Variants in WWC1 observed in about 807,000 individuals in gnomAD.
The protein encoded by WWC1 is protein KIBRA.
In WWC1, 55 loss-of-function variants were observed where a neutral mutation model predicts 138.4. The observed-to-expected ratio is 0.40, with a 90% CI of 0.32 to 0.50. The LOEUF is 0.50. Among genes scored for constraint, WWC1 ranks in the 20% least tolerant of loss-of-function variants. WWC1 has a pLI of 0.72. For synonymous variants in WWC1, 524 were observed against 564.9 expected (o/e 0.93, Z 1.03); for missense variants, 1,226 against 1,420.4 (o/e 0.86, Z 2.20).
intron 20 of WWC1, among the ~76,000 whole-genome samples, chr5:168,462,849 C>G (rs921489471): frequency 6.6e-6 from 1 of 152,232 alleles, no homozygotes; most frequent in Non-Finnish European, 1.5e-5. Flanking sequence ...TGAGACTGGA[C>G]AGACGAAGCA....
intron 19 of WWC1, among the ~76,000 whole-genome samples, chr5:168,458,619 A>G (rs1031492410): frequency 2.6e-5 from 4 of 152,090 alleles, no homozygotes; most frequent in African/African-American, 7.2e-5. Flanking sequence ...GGGTTGATTG[A>G]CTTTGACCAA....
intron 1 of WWC1, among the ~76,000 whole-genome samples, chr5:168,336,897 A>G (rs1374626650): frequency 6.6e-6 from 1 of 152,128 alleles, no homozygotes; most frequent in Non-Finnish European, 1.5e-5. Flanking sequence ...CATGTGGAGA[A>G]AGTGGTGACG....
At chr5:168,398,105 T>G (rs373505491) in intron 4 of WWC1, among the ~76,000 whole-genome samples, 1 of 146,068 alleles carries the variant, frequency 6.8e-6, no homozygotes, top group Non-Finnish European at 1.5e-5. Flanking sequence ...ATTTATTTAT[T>G]TTTATTTTTA....
At chr5:168,461,993 T>C (rs1325621464) in intron 20 of WWC1, among the ~76,000 whole-genome samples, 1 of 150,950 alleles carries the variant, frequency 6.6e-6, no homozygotes, top group Non-Finnish European at 1.5e-5. Context: ...GAGGCGGAGG[T>C]TGCAGTGAGC....
chr5:168,362,008 G>A (rs1476023223), intron 1 of WWC1, among the ~76,000 whole-genome samples: 3 of 152,106 alleles, frequency 2.0e-5, no homozygotes, highest in African/African-American at 4.8e-5. Context: ...GCTTGAACCC[G>A]GGAGGCAGAG....
chr5:168,357,514 G>C (rs557878294), intron 1 of WWC1, among the ~76,000 whole-genome samples: 1 of 151,060 alleles, frequency 6.6e-6, no homozygotes, highest in Non-Finnish European at 1.5e-5. Context: ...ACGCATGCAC[G>C]TGCGTGCATG....
intron 17 of WWC1, among the ~76,000 whole-genome samples, chr5:168,452,951 G>A (rs889664588): frequency 3.9e-5 from 6 of 152,306 alleles, no homozygotes; most frequent in East Asian, 3.9e-4. Context: ...CTGTCTGGGC[G>A]CGGTGGCTCA....
At chr5:168,464,565 G>A (rs1005287061) in intron 20 of WWC1, 164 bp from the exon 21 acceptor site, 1 of 1,176,866 alleles carries the variant, frequency 8.5e-7, no homozygotes, top group Non-Finnish European at 1.2e-6. Context: ...CAATAAACAT[G>A]AGCTGAGTGG....
chr5:168,417,217 T>A (rs1780728000), intron 9 of WWC1, among the ~76,000 whole-genome samples: 1 of 152,234 alleles, frequency 6.6e-6, no homozygotes, highest in Admixed American at 6.5e-5. Flanking sequence ...TACATCATTT[T>A]GCTTAAAGTT....
At chr5:168,306,000 G>A (rs1368574710) in intron 1 of WWC1, among the ~76,000 whole-genome samples, 1 of 152,186 alleles carries the variant, frequency 6.6e-6, no homozygotes, top group Non-Finnish European at 1.5e-5. Flanking sequence ...AAGTGCCATA[G>A]GAATATGAGA....
chr5:168,412,760 A>G (rs966875950), intron 8 of WWC1, among the ~76,000 whole-genome samples: 1 of 147,860 alleles, frequency 6.8e-6, no homozygotes, highest in Non-Finnish European at 1.5e-5. Flanking sequence ...TTTTAAATAT[A>G]GTATAACAAC....
chr5:168,462,609 T>C lies in WWC1; in HGVS notation c.2916+1867T>C, dbSNP rs1756914945. ...TTGCTCCCCCTGCGTTTCCCACAGCTCCCTTCTAAGGCAGGCCCTACAGGA... is the reference window on the plus strand; with the variant it reads ...TTGCTCCCCCTGCGTTTCCCACAGCCCCCTTCTAAGGCAGGCCCTACAGGA... On this transcript the variant is annotated intron_variant, in intron 20 of 22. Transcript: ENST00000265293. 1.3e-5 allele frequency among the ~76,000 whole-genome samples: 2 copies of C among 152,110 alleles called. 1 individual carries two copies. The highest frequency in any genetic ancestry group is 4.1e-4 in the South Asian group (2 of 4,824).
chr5:168,401,693 TTCTG>T (rs1456700835), intron 5 of WWC1, among the ~76,000 whole-genome samples: 1 of 152,246 alleles, frequency 6.6e-6, no homozygotes, highest in Non-Finnish European at 1.5e-5. Flanking sequence ...AATTATGGCT[TTCTG>T]TATGTTTACA....
intron 16 of WWC1, among the ~76,000 whole-genome samples, chr5:168,443,352 T>C (rs1754966305): frequency 6.6e-6 from 1 of 152,078 alleles, no homozygotes; most frequent in Non-Finnish European, 1.5e-5. Flanking sequence ...TCATCATCAT[T>C]TTCTGTACTT....
chr5:168,352,367 T>TGA (rs1775035311), intron 1 of WWC1, among the ~76,000 whole-genome samples: 1 of 152,178 alleles, frequency 6.6e-6, no homozygotes, highest in South Asian at 2.1e-4. Context: ...TATCATTCAT[T>TGA]GAGCTCTGCA....
At chr5:168,414,682 GC>G in intron 9 of WWC1, 92 bp downstream of exon 9, 1 of 1,434,874 alleles carries the variant, frequency 7.0e-7, no homozygotes, top group East Asian at 2.5e-5. Flanking sequence ...GGGGCTCCGG[GC>G]CCCTGGGCTC....
intron 9 of WWC1, among the ~76,000 whole-genome samples, chr5:168,421,476 T>C (rs979003349): frequency 6.6e-6 from 1 of 152,204 alleles, no homozygotes; most frequent in Non-Finnish European, 1.5e-5. Context: ...GAGTATTTCT[T>C]TAATATCGGT....
Position 168,469,270 on chromosome 5 carries a change from G to C in WWC1, c.*253G>C. On this transcript the variant is annotated 3_prime_UTR_variant, in exon 23 of 23. Transcript: ENST00000265293. ...TTAAAATAATAAGATTGTATAGTTT[G>C]TATATTTAGGAGTGTATTTTTGGGA... The C allele has an allele frequency of 2.0e-6, 1 of 498,514 alleles. No homozygotes were observed. Among genetic ancestry groups the C allele is most frequent in the East Asian group, 3.2e-5 (1 of 31,020 alleles). The allele number at this position is 498,514 out of a possible 1,614,324, so 30.9% of individuals were successfully genotyped here. A position where few individuals can be genotyped will look rare whatever the true frequency, so the allele number is the denominator to read the frequency against.
intron 1 of WWC1, among the ~76,000 whole-genome samples, chr5:168,355,050 G>A (rs896600301): frequency 2.0e-5 from 3 of 152,190 alleles, no homozygotes; most frequent in Non-Finnish European, 4.4e-5. Context: ...CCTGTGTTTG[G>A]TCATAGGAAG....
Sources: allele counts gnomAD v4.1 joint callset (sites outside exome capture counted in the v4.1 genomes callset), GRCh38; gene constraint gnomAD v4.1.1; transcripts MANE v1.5; gene names NCBI Gene and HGNC (gene_info 2026-07-23, HGNC 2026-07-21).